Variants in FAM83G observed in about 807,000 individuals in gnomAD.
FAM83G encodes the protein scaffolding CK1 anchoring protein G.
In FAM83G, 38 loss-of-function variants were observed where a neutral mutation model predicts 61.5. The observed-to-expected ratio is 0.62, with a 90% CI of 0.48 to 0.81. FAM83G has a LOEUF of 0.81. Ranked by LOEUF, FAM83G falls within the 30% of genes least tolerant of loss-of-function variation. The pLI, the probability that FAM83G is intolerant of heterozygous loss-of-function variation, is 0.00. For synonymous variants in FAM83G, 470 were observed against 476.1 expected, an observed-to-expected ratio of 0.99 and a Z score of 0.17; for missense variants, 989 against 1,133.6, an observed-to-expected ratio of 0.87 and a Z score of 1.83.
chr17:18,977,426 TC>T, intron 5 of FAM83G, 157 bp downstream of exon 5: 1 of 751,550 alleles, frequency 1.3e-6, no homozygotes, highest in Non-Finnish European at 2.1e-6. Flanking sequence ...CCTGGCCGGT[TC>T]CCACCCCTGC....
At chr17:18,972,431 C>G (rs543336290) in intron 5 of FAM83G, among the ~76,000 whole-genome samples, 4 of 152,304 alleles carry the variant, frequency 2.6e-5, no homozygotes, top group African/African-American at 9.6e-5. Flanking sequence ...TAGGCCAGAG[C>G]ACTGAGGCCA....
chr17:18,980,024 A>C (rs2043089334), intron 3 of FAM83G, among the ~76,000 whole-genome samples: 1 of 152,138 alleles, frequency 6.6e-6, no homozygotes, highest in Admixed American at 6.5e-5. Flanking sequence ...GGTGGATGCT[A>C]TGGTGGGGTC....
At chr17:18,997,465 G>A (rs2043596795) in intron 2 of FAM83G, among the ~76,000 whole-genome samples, 2 of 152,348 alleles carry the variant, frequency 1.3e-5, no homozygotes, top group Admixed American at 6.5e-5. Context: ...CATCCCATGT[G>A]GGCAGCAAAC....
intron 3 of FAM83G, among the ~76,000 whole-genome samples, chr17:18,984,399 A>G (rs1171093790): frequency 6.6e-6 from 1 of 151,050 alleles, no homozygotes; most frequent in Non-Finnish European, 1.5e-5. Context: ...ACCCAGGCCC[A>G]GGTAGAGACA....
rs780432291 is a variant in FAM83G at position 18,971,168 on chromosome 17, A to G, written c.*191T>C. 3.1e-6 allele frequency: 5 copies of G among 1,614,080 alleles called. No homozygotes were observed. The Admixed American group carries it at 8.3e-5, about 27-fold the overall frequency. ...CACAGGGGACCTGCCGTGGACCGGGATGACCTTTGGCCTGACCATCATGGC... is the reference window on the plus strand; with the variant it reads ...CACAGGGGACCTGCCGTGGACCGGGGTGACCTTTGGCCTGACCATCATGGC... On this transcript the variant is annotated 3_prime_UTR_variant, in exon 6 of 6. Coordinates refer to ENST00000388995, the MANE Select transcript of FAM83G (RefSeq NM_001039999.3). The surrounding 1 kb of genome is among the most constrained non-coding windows in gnomAD (Gnocchi z 5.5).
chr17:18,989,680 G>A (rs1278731221), intron 2 of FAM83G, among the ~76,000 whole-genome samples: 3 of 152,200 alleles, frequency 2.0e-5, no homozygotes, highest in East Asian at 1.9e-4. Context: ...GGTGATGCCC[G>A]TTTGCTGCCT....
rs759412760 is a variant in FAM83G at position 18,978,302 on chromosome 17, G to C, written c.1364C>G (p.Ala455Gly). ...CTTCCACAGCTGGTGCTGGGCGCTGGCCTGGGAGGTGTCACGGATCTTGAT... is the reference window on the plus strand; with the variant it reads ...CTTCCACAGCTGGTGCTGGGCGCTGCCCTGGGAGGTGTCACGGATCTTGAT... Reference protein sequence around the residue: ...NRIKIRDTSQASAQHQLWKQS... With the variant: ...NRIKIRDTSQGSAQHQLWKQS... The change falls in exon 5 of 6, where the codon GCC (alanine) becomes GGC (glycine). Residue 455 changes from alanine (A) to glycine (G), a missense_variant. By Grantham distance (60) the Ala-to-Gly change is moderately conservative. This residue lies in a region of FAM83G where 574 missense variants were observed against 645.1 expected (regional missense o/e 0.89). Transcript: ENST00000388995. 1.2e-6 allele frequency: 2 copies of C among 1,611,134 alleles called. No homozygotes were observed. The highest frequency in any genetic ancestry group is 1.7e-6 in the Non-Finnish European group (2 of 1,178,944).
chr17:18,979,477 G>A, intron 4 of FAM83G, 72 bp downstream of exon 4: 1 of 1,572,654 alleles, frequency 6.4e-7, no homozygotes, highest in Non-Finnish European at 8.7e-7. Flanking sequence ...ACCAGGGTTA[G>A]GATTAAGGGC....
In FAM83G at chr17:18,985,100, G is replaced by T. The variant is rs558891940; in HGVS notation, c.690+3147C>A. Among the ~76,000 whole-genome samples the T allele has an allele frequency of 3.9e-5, 6 of 152,198 alleles. No individual in the cohort carries two copies. In the South Asian group the frequency reaches 1.2e-3, roughly 31 times the overall value. ...GGGTGAACCACAGCCAGACCCTGGC[G>T]CAGAGGGAAAGAAAGCCGCTCAGCA... On this transcript the variant is annotated intron_variant, in intron 3 of 5. Coordinates refer to ENST00000388995, the MANE Select transcript of FAM83G (RefSeq NM_001039999.3).
chr17:18,988,899 G>T (rs939683525), intron 2 of FAM83G, among the ~76,000 whole-genome samples: 1 of 152,220 alleles, frequency 6.6e-6, no homozygotes, highest in African/African-American at 2.4e-5. Flanking sequence ...GGCCCCAGTG[G>T]TCAGGGCCTT....
intron 3 of FAM83G, among the ~76,000 whole-genome samples, chr17:18,984,400 G>A (rs909096888): frequency 7.9e-5 from 12 of 151,500 alleles, no homozygotes; most frequent in Non-Finnish European, 1.5e-4. Flanking sequence ...CCCAGGCCCA[G>A]GTAGAGACAG....
chr17:18,985,396 C>T (rs1211019594), intron 3 of FAM83G, among the ~76,000 whole-genome samples: 5 of 152,222 alleles, frequency 3.3e-5, no homozygotes, highest in African/African-American at 9.6e-5. Flanking sequence ...TGGCACCTGA[C>T]ACCCCAAGGT....
chr17:18,992,681 A>G (rs1458674373), intron 2 of FAM83G, among the ~76,000 whole-genome samples: 1 of 152,180 alleles, frequency 6.6e-6, no homozygotes, highest in Middle Eastern at 3.2e-3. Flanking sequence ...TGGGTGAGCC[A>G]CACCTGCGTT....
intron 3 of FAM83G, among the ~76,000 whole-genome samples, chr17:18,986,865 A>C (rs1475093226): frequency 6.6e-6 from 1 of 152,206 alleles, no homozygotes; most frequent in Non-Finnish European, 1.5e-5. Context: ...AGGTTTCCAA[A>C]GTGGCCTTTC....
chr17:18,988,354 C>T lies in FAM83G; in HGVS notation c.583G>A (p.Ala195Thr), dbSNP rs1261254985. The T allele has an allele frequency of 3.7e-6, 6 of 1,614,234 alleles. No homozygotes were observed. Among genetic ancestry groups the T allele is most frequent in the Non-Finnish European group, 4.2e-6 (5 of 1,180,042 alleles). ...DVDIFKDLLD[A>T]GFKRKVAVYI... Reference sequence around the variant, plus strand: ...ACGGCCACTTTCCTCTTGAAGCCGGCGTCCAGCAGGTCCTTGAAGATGTCC... The same window carrying T: ...ACGGCCACTTTCCTCTTGAAGCCGGTGTCCAGCAGGTCCTTGAAGATGTCC... Residue 195 changes from alanine to threonine, a missense_variant, in exon 3 of 6, where the codon GCC becomes ACC. Physicochemically the swap from Ala to Thr is moderately conservative, Grantham distance 58 (BLOSUM62 0). Around this residue, in one of 3 missense-constraint regions of FAM83G, gnomAD observed 371 missense variants for 404.5 expected, o/e 0.92. Transcript: ENST00000388995.
chr17:18,994,261 G>A (rs1025232280), intron 2 of FAM83G, among the ~76,000 whole-genome samples: 4 of 152,172 alleles, frequency 2.6e-5, no homozygotes, highest in East Asian at 1.9e-4. Context: ...TCAGCACAGC[G>A]ATTCCTGAGA....
chr17:18,983,522 G>C (rs1261778438), intron 3 of FAM83G, among the ~76,000 whole-genome samples: 1 of 152,256 alleles, frequency 6.6e-6, no homozygotes, highest in African/African-American at 2.4e-5. Flanking sequence ...AGGCCCGGTA[G>C]AGCAGTGGGG....
chr17:18,988,485 G>C (rs896392887), intron 2 of FAM83G, 71 bp from the exon 3 acceptor site: 13 of 1,580,248 alleles, frequency 8.2e-6, no homozygotes, highest in Non-Finnish European at 1.1e-5. Flanking sequence ...CTGGCAGAGC[G>C]CACAGCCCTC....
rs1211482361 is a variant in FAM83G at position 18,969,267 on chromosome 17, G to A, written c.*2092C>T. 1.3e-6 allele frequency: 2 copies of A among 1,582,172 alleles called. No homozygotes were observed. The highest frequency in any genetic ancestry group is 2.2e-5 in the East Asian group (1 of 44,644). On this transcript the variant is annotated 3_prime_UTR_variant, in exon 6 of 6. Transcript: ENST00000388995. The stretch of plus-strand genomic sequence containing the variant: ...AGCCCAGGAAGTGGCCCCAGCAGGA[G>A]CCCCAGAAGTTCCTCCCCGTGTCCC...
Sources: gnomAD v4.1 joint callset for allele counts (sites outside exome capture counted in the v4.1 genomes callset) on GRCh38, gnomAD v4.1.1 for gene constraint, gnomAD v4.1.1 regional missense constraint, Gnocchi (gnomAD v3.1) non-coding constraint, MANE v1.5 for transcripts, NCBI Gene and HGNC (gene_info 2026-07-23, HGNC 2026-07-21) for gene names.